FAM53A: variants seen among roughly 807,000 people sequenced by gnomAD.
The protein encoded by FAM53A is protein FAM53A.
A neutral mutation model predicts 26.6 loss-of-function variants in FAM53A; 28 were observed. The ratio of observed to expected loss-of-function variants is 1.05; its 90% confidence interval spans 0.78 to 1.45. The LOEUF (loss-of-function observed/expected upper bound fraction) is 1.45, where lower values mean the gene tolerates loss of function less well. Among genes scored for constraint, FAM53A ranks in the 40% most tolerant of loss-of-function variants. The pLI is 0.00. For missense variants in FAM53A, 650 were observed against 575.8 expected (o/e 1.13, Z -1.32); for synonymous variants, 290 against 253.1 (o/e 1.15, Z -1.38).
At chr4:1,612,726 A>C in the FAM53A span, among the ~76,000 whole-genome samples, 23 of 152,338 alleles carry the variant, frequency 1.5e-4, no homozygotes, top group East Asian at 3.9e-3. Flanking sequence ...ACAAGCATGC[A>C]CACACCAGCA....
At chr4:1,579,178 C>T in the FAM53A span, among the ~76,000 whole-genome samples, 1 of 149,880 alleles carries the variant, frequency 6.7e-6, no homozygotes, top group Non-Finnish European at 1.5e-5. Flanking sequence ...GCCCCTGCCC[C>T]CCCTGCCCTC....
rs577891893 is a variant in FAM53A at position 1,630,989 on chromosome 4, G to C, written c.432-12878C>G. Among the ~76,000 whole-genome samples the C allele has an allele frequency of 6.6e-6, 1 of 152,338 alleles. No individual in the cohort carries two copies. The highest frequency in any genetic ancestry group is 2.1e-4 in the South Asian group (1 of 4,824). On this transcript the variant is annotated intron_variant, in intron 1 of 1. Transcript: ENST00000489029. The surrounding 1 kb of genome is among the most constrained non-coding windows in gnomAD (Gnocchi z 4.3). ...GCCCCAGAGGTCAAGACTGCAGTGAGCCATGATCACACCACTGCACTCCAA... is the reference window on the plus strand; with the variant it reads ...GCCCCAGAGGTCAAGACTGCAGTGACCCATGATCACACCACTGCACTCCAA...
intron 1 of FAM53A, among the ~76,000 whole-genome samples, chr4:1,676,737 A>G (rs958598586): frequency 6.6e-6 from 1 of 152,104 alleles, no homozygotes; most frequent in Non-Finnish European, 1.5e-5. Flanking sequence ...GCTGGCTTGA[A>G]GGCACGTCAC....
At chr4:1,600,361 A>T in the FAM53A span, among the ~76,000 whole-genome samples, 2 of 152,064 alleles carry the variant, frequency 1.3e-5, no homozygotes, top group Admixed American at 1.3e-4. Context: ...GCAGTTCCCC[A>T]GGCCGAATGA....
chr4:1,597,664 G>A, the FAM53A span, among the ~76,000 whole-genome samples: 2 of 111,490 alleles, frequency 1.8e-5, no homozygotes, highest in African/African-American at 6.1e-5. Context: ...CTATGTGGCT[G>A]CAGGGAGCAC....
chr4:1,684,871 CCTT>C (rs1197657761), upstream of FAM53A, among the ~76,000 whole-genome samples: 1 of 152,242 alleles, frequency 6.6e-6, no homozygotes, highest in Non-Finnish European at 1.5e-5. Flanking sequence ...CTGCAGGGCT[CCTT>C]CTGGCGATAG....
At chr4:1,655,800 G>A (rs1423890699) in intron 3 of FAM53A, 77 bp from the exon 4 acceptor site, 2 of 1,426,958 alleles carry the variant, frequency 1.4e-6, no homozygotes, top group Non-Finnish European at 1.8e-6. Flanking sequence ...CCGGCAAACA[G>A]CCTGGCAGAG....
intron 1 of FAM53A, among the ~76,000 whole-genome samples, chr4:1,634,153 C>T (rs200774341): frequency 6.6e-6 from 1 of 152,134 alleles, no homozygotes; most frequent in East Asian, 1.9e-4. Context: ...GGATTGGAGC[C>T]CACAGTGGAC....
intron 1 of FAM53A, among the ~76,000 whole-genome samples, chr4:1,674,160 A>G (rs1714873772): frequency 6.6e-6 from 1 of 152,158 alleles, no homozygotes; most frequent in Non-Finnish European, 1.5e-5. Flanking sequence ...CTGAGGGGGA[A>G]CCTGTTCCAG....
chr4:1,609,822 G>C, the FAM53A span, among the ~76,000 whole-genome samples: 3 of 151,962 alleles, frequency 2.0e-5, no homozygotes, highest in East Asian at 5.8e-4. Flanking sequence ...AATTAGCCAG[G>C]CATGGTGGCA....
chr4:1,670,978 G>A (rs574808741), intron 1 of FAM53A, among the ~76,000 whole-genome samples: 10 of 148,050 alleles, frequency 6.8e-5, no homozygotes, highest in Non-Finnish European at 1.3e-4. Flanking sequence ...CACAGCCACG[G>A]CCCGGACTCA....
intron 1 of FAM53A, among the ~76,000 whole-genome samples, chr4:1,629,098 G>A (rs551332226): frequency 1.2e-4 from 19 of 152,056 alleles, no homozygotes; most frequent in South Asian, 2.1e-4. Context: ...ACAGCACCTC[G>A]ATCCCCTCCA....
At chr4:1,612,397 G>A in the FAM53A span, among the ~76,000 whole-genome samples, 11,039 of 152,208 alleles carry the variant, frequency 0.073, 1,379 homozygotes, top group African/African-American at 0.25. Context: ...AGGGCCTCCC[G>A]AGAAGCCCAG....
chr4:1,651,985 GCACACCTCACACACACACCA>G (rs1560157452), intron 4 of FAM53A, among the ~76,000 whole-genome samples: 26 of 127,162 alleles, frequency 2.0e-4, no homozygotes, highest in African/African-American at 7.2e-4. Context: ...CACACCACAC[GCACACCTCACACACACACCA>G]CACACGTCAC....
intron 1 of FAM53A, among the ~76,000 whole-genome samples, chr4:1,620,720 C>G (rs898660760): frequency 4.0e-5 from 6 of 151,528 alleles, no homozygotes; most frequent in African/African-American, 7.3e-5. Flanking sequence ...ACCACCACCA[C>G]CAAAAACAAA....
chr4:1,645,915 T>C (rs1004508248), intron 4 of FAM53A, among the ~76,000 whole-genome samples: 2 of 152,156 alleles, frequency 1.3e-5, no homozygotes, highest in Non-Finnish European at 2.9e-5. Context: ...GATCAGGTCC[T>C]GCGGGCCTGC....
the FAM53A span, among the ~76,000 whole-genome samples, chr4:1,579,489 G>A: frequency 6.6e-6 from 1 of 152,164 alleles, no homozygotes; most frequent in Non-Finnish European, 1.5e-5. Flanking sequence ...GGAGGCTTGG[G>A]CCGCAGCCCA....
At chr4:1,663,171 G>GA (rs143695365) in intron 2 of FAM53A, among the ~76,000 whole-genome samples, 10,244 of 152,252 alleles carry the variant, frequency 0.067, 961 homozygotes, top group African/African-American at 0.21. Context: ...CAGCCTGGGC[G>GA]AAAGAGCCAG....
At chr4:1,576,657 A>G in the FAM53A span, among the ~76,000 whole-genome samples, 3 of 152,248 alleles carry the variant, frequency 2.0e-5, no homozygotes, top group Non-Finnish European at 4.4e-5. Flanking sequence ...TGCTCCAGAA[A>G]GTCGAAGAGG....
Sources: allele counts gnomAD v4.1 joint callset (sites outside exome capture counted in the v4.1 genomes callset), GRCh38; gene constraint gnomAD v4.1.1; non-coding constraint Gnocchi (gnomAD v3.1); transcripts MANE v1.5; gene names NCBI Gene and HGNC (gene_info 2026-07-23, HGNC 2026-07-21).